The following RUNDC3B variants were observed in gnomAD, a reference collection of about 807,000 sequenced individuals.
The protein encoded by RUNDC3B is RUN domain containing 3B.
RUNDC3B carries 33 observed loss-of-function variants against 58.4 expected under a neutral mutation model. The observed-to-expected ratio is 0.56, with a 90% CI of 0.43 to 0.75. RUNDC3B has a LOEUF of 0.75. RUNDC3B is among the 30% of genes least tolerant of loss of function. The pLI, the probability that RUNDC3B is intolerant of heterozygous loss-of-function variation, is 0.00. For missense variants in RUNDC3B, 501 were observed against 535.7 expected (o/e 0.94, Z 0.64); for synonymous variants, 193 against 195.2 (o/e 0.99, Z 0.10).
At chr7:87,827,689 G>T (rs1266133040) in intron 10 of RUNDC3B, among the ~76,000 whole-genome samples, 2 of 152,036 alleles carry the variant, frequency 1.3e-5, no homozygotes. Flanking sequence ...GACAGTTGAA[G>T]ACATACTATT....
chr7:87,749,760 C>T (rs181950567), intron 6 of RUNDC3B, among the ~76,000 whole-genome samples: 1 of 152,074 alleles, frequency 6.6e-6, no homozygotes, highest in East Asian at 1.9e-4. Context: ...GTTTAAGTCG[C>T]TCCTTATCTT....
chr7:87,740,904 ATTG>A (rs1832280586), intron 5 of RUNDC3B, among the ~76,000 whole-genome samples: 1 of 151,960 alleles, frequency 6.6e-6, no homozygotes, highest in Admixed American at 6.6e-5. Context: ...TTGTTGTTTT[ATTG>A]TTTTAAAAAA....
intron 6 of RUNDC3B, among the ~76,000 whole-genome samples, chr7:87,747,271 A>C (rs1348596605): frequency 6.6e-6 from 1 of 152,040 alleles, no homozygotes; most frequent in Non-Finnish European, 1.5e-5. Flanking sequence ...CAGTGAGTCT[A>C]CTTGGCTCTT....
At chr7:87,779,410 G>C (rs368885927) in intron 8 of RUNDC3B, among the ~76,000 whole-genome samples, 1 of 152,024 alleles carries the variant, frequency 6.6e-6, no homozygotes, top group East Asian at 1.9e-4. Context: ...TTTTCCTTAT[G>C]ATTAGAATGA....
At chr7:87,774,350 A>G (rs1416878053) in intron 7 of RUNDC3B, among the ~76,000 whole-genome samples, 1 of 152,154 alleles carries the variant, frequency 6.6e-6, no homozygotes, top group African/African-American at 2.4e-5. Context: ...TAGTGAAAGA[A>G]CAACCAAACC....
chr7:87,829,162 G>C (rs951012357), intron 10 of RUNDC3B, among the ~76,000 whole-genome samples: 2 of 151,942 alleles, frequency 1.3e-5, no homozygotes, highest in African/African-American at 4.8e-5. Context: ...TCTTAATGGG[G>C]TTATTTTTTG....
At chr7:87,669,047 A>G (rs1825563817) in intron 2 of RUNDC3B, among the ~76,000 whole-genome samples, 1 of 151,972 alleles carries the variant, frequency 6.6e-6, no homozygotes, top group Non-Finnish European at 1.5e-5. Context: ...TGTCTGCCTC[A>G]ATGATCTGTT....
chr7:87,730,532 C>T (rs1173157038), intron 4 of RUNDC3B, among the ~76,000 whole-genome samples: 1 of 151,974 alleles, frequency 6.6e-6, no homozygotes, highest in East Asian at 1.9e-4. Context: ...TGCGTGCCAG[C>T]TCAGCCACAG....
At chr7:87,753,652 C>T (rs1397974907) in intron 6 of RUNDC3B, among the ~76,000 whole-genome samples, 1 of 152,132 alleles carries the variant, frequency 6.6e-6, no homozygotes, top group Non-Finnish European at 1.5e-5. Flanking sequence ...AGTTGGCCAA[C>T]AATAGTAGTT....
intron 1 of RUNDC3B, among the ~76,000 whole-genome samples, chr7:87,632,047 G>C (rs1290572704): frequency 2.0e-5 from 3 of 151,388 alleles, no homozygotes; most frequent in African/African-American, 7.3e-5. Context: ...AAATATTTTG[G>C]ACTGTGCCTT....
At chr7:87,732,313 G>GA (rs1563169386) in intron 4 of RUNDC3B, among the ~76,000 whole-genome samples, 1 of 151,896 alleles carries the variant, frequency 6.6e-6, no homozygotes, top group African/African-American at 2.4e-5. Flanking sequence ...AGAAAAACTT[G>GA]AAAAAACTAC....
At chr7:87,750,731 T>A (rs1259737732) in intron 6 of RUNDC3B, among the ~76,000 whole-genome samples, 2 of 150,858 alleles carry the variant, frequency 1.3e-5, no homozygotes, top group Non-Finnish European at 3.0e-5. Context: ...GGGTTGTTTG[T>A]TTTTTTCTTG....
chr7:87,804,397 A>G (rs1461909495), intron 8 of RUNDC3B, among the ~76,000 whole-genome samples: 1 of 152,160 alleles, frequency 6.6e-6, no homozygotes, highest in African/African-American at 2.4e-5. Context: ...TATGTAGCTT[A>G]AAATCCATAT....
intron 8 of RUNDC3B, among the ~76,000 whole-genome samples, chr7:87,804,375 T>G (rs1349166620): frequency 6.6e-6 from 1 of 152,188 alleles, no homozygotes; most frequent in Non-Finnish European, 1.5e-5. Context: ...ATAGTTAGGC[T>G]TGACTGGATT....
chr7:87,735,310 CA>C (rs1476919760), intron 4 of RUNDC3B, among the ~76,000 whole-genome samples: 1 of 152,300 alleles, frequency 6.6e-6, no homozygotes, highest in South Asian at 2.1e-4. Context: ...ATGGCTCTTA[CA>C]GTCATCTAGA....
At chr7:87,793,093 C>A (rs959350766) in intron 8 of RUNDC3B, among the ~76,000 whole-genome samples, 1 of 152,030 alleles carries the variant, frequency 6.6e-6, no homozygotes, top group African/African-American at 2.4e-5. Context: ...ATTGGAAAAT[C>A]TAGAGGAAAT....
intron 1 of RUNDC3B, among the ~76,000 whole-genome samples, chr7:87,636,463 A>G (rs184093551): frequency 2.6e-4 from 40 of 152,208 alleles, no homozygotes; most frequent in African/African-American, 8.2e-4. Context: ...TACATTCTGT[A>G]TGGGAATCTT....
At chr7:87,758,939 A>G (rs757052251) in intron 6 of RUNDC3B, among the ~76,000 whole-genome samples, 2 of 152,198 alleles carry the variant, frequency 1.3e-5, no homozygotes, top group Non-Finnish European at 2.9e-5. Flanking sequence ...AAAACACTTA[A>G]AAAAGAACTA....
chr7:87,716,504 A>G (rs1469397467), intron 4 of RUNDC3B, among the ~76,000 whole-genome samples: 2 of 152,166 alleles, frequency 1.3e-5, no homozygotes, highest in South Asian at 4.1e-4. Flanking sequence ...AGACCAATTT[A>G]TCTCATCTTT....
Sources: gnomAD v4.1 joint callset for allele counts (sites outside exome capture counted in the v4.1 genomes callset) on GRCh38, gnomAD v4.1.1 for gene constraint, MANE v1.5 for transcripts, NCBI Gene and HGNC (gene_info 2026-07-23, HGNC 2026-07-21) for gene names.